KCNAB1: variants seen among roughly 807,000 people sequenced by gnomAD.
The protein encoded by KCNAB1 is potassium voltage-gated channel subfamily A regulatory beta subunit 1.
A neutral mutation model predicts 64.6 loss-of-function variants in KCNAB1; 35 were observed. That is an observed-to-expected ratio of 0.54 (90% confidence interval 0.41 to 0.72). KCNAB1 has a LOEUF of 0.72. Among genes scored for constraint, KCNAB1 ranks in the 30% least tolerant of loss-of-function variants. The pLI, the probability that KCNAB1 is intolerant of heterozygous loss-of-function variation, is 0.00. For synonymous variants in KCNAB1, 177 were observed against 183.8 expected (o/e 0.96, Z 0.30); for missense variants, 401 against 512.9 (o/e 0.78, Z 2.11).
At position 156,221,684 on chromosome 3, in the gene KCNAB1, G is replaced by A. The variant is rs958190611; in HGVS notation, c.275+100798G>A. On this transcript the variant is annotated intron_variant, in intron 1 of 13. Coordinates refer to ENST00000490337, the MANE Select transcript of KCNAB1 (RefSeq NM_172160.3). ...TCACAGCTACTTGGGAGGCTGAGGT[G>A]GGAGAATTGCTTGAATCTGGGAGGC... Among the ~76,000 whole-genome samples, 14 of 151,992 alleles carry A rather than the reference G, an allele frequency of 9.2e-5. 1 individual carries two copies. Among genetic ancestry groups the A allele is most frequent in the African/African-American group, 3.4e-4 (14 of 41,398 alleles).
At chr3:156,156,797 G>A (rs1715752812) in intron 1 of KCNAB1, among the ~76,000 whole-genome samples, 1 of 152,124 alleles carries the variant, frequency 6.6e-6, no homozygotes. Flanking sequence ...CATGGGAGTG[G>A]TATGGACTGG....
chr3:156,141,543 T>C lies in KCNAB1; in HGVS notation c.275+20657T>C, dbSNP rs112812613. The stretch of plus-strand genomic sequence containing the variant: ...CCTTTTGGTATTAGCTTTTTTTTTT[T>C]CCCACACTCAGCGTAAGCCTCTCGA... On this transcript the variant is annotated intron_variant, in intron 1 of 13. Transcript: ENST00000490337. Among the ~76,000 whole-genome samples, 20 of 152,094 alleles carry C rather than the reference T, an allele frequency of 1.3e-4. No individual in the cohort carries two copies. The East Asian group carries it at 1.3e-3, about 10-fold the overall frequency.
chr3:156,119,009 C>T (rs1369889131), upstream of KCNAB1, among the ~76,000 whole-genome samples: 2 of 152,202 alleles, frequency 1.3e-5, no homozygotes, highest in Admixed American at 1.3e-4. Context: ...TCAGTTGCCT[C>T]CTTTGATACA....
intron 1 of KCNAB1, among the ~76,000 whole-genome samples, chr3:156,304,604 C>A (rs1254166210): frequency 1.3e-5 from 2 of 152,146 alleles, no homozygotes; most frequent in Non-Finnish European, 2.9e-5. Flanking sequence ...TTTAATTTCC[C>A]TTGTTGGCAT....
intron 1 of KCNAB1, among the ~76,000 whole-genome samples, chr3:156,252,152 T>C (rs1304068383): frequency 6.6e-6 from 1 of 152,352 alleles, no homozygotes; most frequent in Non-Finnish European, 1.5e-5. Context: ...AGGGCATCAC[T>C]GGGCCATACA....
At chr3:156,222,280 T>C (rs1221712102) in intron 1 of KCNAB1, among the ~76,000 whole-genome samples, 1 of 152,164 alleles carries the variant, frequency 6.6e-6, no homozygotes, top group African/African-American at 2.4e-5. Flanking sequence ...GAAGTAGCTA[T>C]TCTTCTACCA....
chr3:156,498,348 T>C (rs1716145780), intron 8 of KCNAB1, among the ~76,000 whole-genome samples: 1 of 152,198 alleles, frequency 6.6e-6, no homozygotes, highest in Non-Finnish European at 1.5e-5. Flanking sequence ...ACTCCCACAA[T>C]TCCCACGTGT....
chr3:156,329,222 G>A (rs1723176393), intron 1 of KCNAB1, among the ~76,000 whole-genome samples: 2 of 152,096 alleles, frequency 1.3e-5, no homozygotes, highest in African/African-American at 4.8e-5. Flanking sequence ...GAAATGCCTT[G>A]AGATCAGACA....
At chr3:156,221,917 C>G (rs976766191) in intron 1 of KCNAB1, among the ~76,000 whole-genome samples, 3 of 152,058 alleles carry the variant, frequency 2.0e-5, no homozygotes, top group Non-Finnish European at 4.4e-5. Flanking sequence ...CTAGACGGAG[C>G]ACTAAATCTT....
At chr3:156,440,837 A>G (rs900950147) in intron 2 of KCNAB1, among the ~76,000 whole-genome samples, 8 of 152,194 alleles carry the variant, frequency 5.3e-5, no homozygotes, top group Non-Finnish European at 1.2e-4. Flanking sequence ...AAATCTGTAA[A>G]TCTACAGGGA....
At chr3:156,371,097 G>T (rs1726276609) in intron 1 of KCNAB1, among the ~76,000 whole-genome samples, 1 of 152,178 alleles carries the variant, frequency 6.6e-6, no homozygotes, top group South Asian at 2.1e-4. Context: ...AGATTTTCCA[G>T]CATGGAACAC....
intron 1 of KCNAB1, among the ~76,000 whole-genome samples, chr3:156,216,377 C>A (rs544789809): frequency 6.6e-6 from 1 of 152,356 alleles, no homozygotes; most frequent in East Asian, 1.9e-4. Flanking sequence ...TGAACATAGG[C>A]ATGCCATGTT....
At chr3:156,300,466 A>G (rs1229002005) in intron 1 of KCNAB1, among the ~76,000 whole-genome samples, 4 of 152,156 alleles carry the variant, frequency 2.6e-5, no homozygotes, top group Non-Finnish European at 2.9e-5. Context: ...AACCCTCTAT[A>G]CAATGTCTAT....
intron 1 of KCNAB1, among the ~76,000 whole-genome samples, chr3:156,126,579 A>G (rs1227971470): frequency 6.6e-6 from 1 of 152,176 alleles, no homozygotes; most frequent in East Asian, 1.9e-4. Flanking sequence ...GGGCCTGGTG[A>G]TGAAAAAGCT....
chr3:156,214,192 T>C (rs1028790792), intron 1 of KCNAB1, among the ~76,000 whole-genome samples: 3 of 152,170 alleles, frequency 2.0e-5, no homozygotes, highest in Non-Finnish European at 2.9e-5. Flanking sequence ...AAATTTCTTT[T>C]TTAGTTTTAT....
chr3:156,238,371 G>A (rs1342063128), intron 1 of KCNAB1, among the ~76,000 whole-genome samples: 2 of 144,862 alleles, frequency 1.4e-5, no homozygotes, highest in African/African-American at 5.2e-5. Flanking sequence ...GCAGTGAGCC[G>A]AGATCACGCC....
At chr3:156,331,591 A>C (rs1434099471) in intron 1 of KCNAB1, among the ~76,000 whole-genome samples, 5 of 152,322 alleles carry the variant, frequency 3.3e-5, no homozygotes, top group Non-Finnish European at 7.4e-5. Context: ...TTTTTAAAGT[A>C]AAATTTAGAG....
intron 1 of KCNAB1, among the ~76,000 whole-genome samples, chr3:156,363,716 T>C (rs1000447338): frequency 5.9e-5 from 9 of 152,228 alleles, no homozygotes; most frequent in Non-Finnish European, 1.2e-4. Context: ...GACCTCGTAA[T>C]CTGCCTGCCT....
At chr3:156,238,083 G>C (rs926607115) in intron 1 of KCNAB1, among the ~76,000 whole-genome samples, 3 of 152,176 alleles carry the variant, frequency 2.0e-5, no homozygotes, top group African/African-American at 7.2e-5. Context: ...CTGAGAAGGT[G>C]AGCTGAGAGT....
Sources: gnomAD v4.1 joint callset for allele counts (sites outside exome capture counted in the v4.1 genomes callset) on GRCh38, gnomAD v4.1.1 for gene constraint, MANE v1.5 for transcripts, NCBI Gene and HGNC (gene_info 2026-07-23, HGNC 2026-07-21) for gene names.